Variants in FSD1L observed in about 807,000 individuals in gnomAD.
The protein encoded by FSD1L is fibronectin type III and SPRY domain containing 1 like, also known as FSD1-like protein.
In FSD1L, 45 loss-of-function variants were observed where a neutral mutation model predicts 71.6. The observed-to-expected ratio is 0.63, with a 90% confidence interval of 0.49 to 0.81. FSD1L has a LOEUF of 0.81. FSD1L is among the 30% of genes least tolerant of loss of function. The pLI is 0.00. For missense variants in FSD1L, 561 were observed against 618.1 expected (o/e 0.91, Z 0.98); for synonymous variants, 197 against 207.2 (o/e 0.95, Z 0.42).
chr9:105,520,399 C>T lies in FSD1L; in HGVS notation c.1025+7463C>T, dbSNP rs943768985. On this transcript the variant is annotated intron_variant, in intron 10 of 13. Transcript: ENST00000481272. ...CTATTGATCTTAAACAGTTTTTCGA[C>T]AACATTTTTTACATATATACTATGT... The T allele has an allele frequency of 5.3e-6, 6 of 1,142,152 alleles. No homozygotes were observed. The East Asian group carries it at 9.3e-5, about 18-fold the overall frequency. 70.8% of individuals were successfully genotyped at this position (1,142,152 alleles called of 1,614,324 possible).
intron 1 of FSD1L, among the ~76,000 whole-genome samples, chr9:105,456,480 T>C (rs1830363649): frequency 6.6e-6 from 1 of 152,252 alleles, no homozygotes; most frequent in South Asian, 2.1e-4. Flanking sequence ...TTTTACTTGA[T>C]TGATAATGAT....
At chr9:105,523,455 A>T (rs1835312433) in intron 10 of FSD1L, 1 of 1,611,570 alleles carries the variant, frequency 6.2e-7, no homozygotes, top group Non-Finnish European at 8.5e-7. Context: ...GTGGCGAAGA[A>T]TGCTAGGCAT....
At chr9:105,461,681 A>T (rs1588927682) in intron 2 of FSD1L, 66 bp downstream of exon 2, 1 of 974,098 alleles carries the variant, frequency 1.0e-6, no homozygotes, top group Non-Finnish European at 1.6e-6. Flanking sequence ...GAGCATTTAG[A>T]TGTCTTTGAC....
At chr9:105,499,528 G>C (rs1009616214) in intron 7 of FSD1L, among the ~76,000 whole-genome samples, 1 of 151,746 alleles carries the variant, frequency 6.6e-6, no homozygotes, top group African/African-American at 2.4e-5. Context: ...ATAATTTCAA[G>C]GTATACAGAA....
At chr9:105,493,155 C>G (rs1331489067) in intron 7 of FSD1L, among the ~76,000 whole-genome samples, 1 of 152,030 alleles carries the variant, frequency 6.6e-6, no homozygotes, top group South Asian at 2.1e-4. Context: ...GTAGGTCACT[C>G]AGGACTTGCT....
At chr9:105,501,683 C>T (rs569402156) in intron 7 of FSD1L, among the ~76,000 whole-genome samples, 1 of 151,768 alleles carries the variant, frequency 6.6e-6, no homozygotes, top group Non-Finnish European at 1.5e-5. Flanking sequence ...ATCCTCTAGC[C>T]ATAGTCTCCC....
intron 13 of FSD1L, among the ~76,000 whole-genome samples, chr9:105,541,094 G>A (rs1297714805): frequency 1.3e-5 from 2 of 152,114 alleles, no homozygotes; most frequent in Non-Finnish European, 2.9e-5. Flanking sequence ...CAGAGTAAGA[G>A]TGGGTTGAAA....
At chr9:105,454,403 G>A (rs1830236315) in intron 1 of FSD1L, among the ~76,000 whole-genome samples, 1 of 152,056 alleles carries the variant, frequency 6.6e-6, no homozygotes, top group South Asian at 2.1e-4. Context: ...TCACAGATAA[G>A]CATCCTTGTA....
intron 2 of FSD1L, among the ~76,000 whole-genome samples, chr9:105,462,557 T>G (rs1007616916): frequency 2.8e-5 from 4 of 143,190 alleles, no homozygotes; most frequent in African/African-American, 1.0e-4. Context: ...AGAATCTTGC[T>G]CTGTTGCCCA....
At chr9:105,516,439 A>G (rs549042880) in intron 10 of FSD1L, among the ~76,000 whole-genome samples, 1 of 152,272 alleles carries the variant, frequency 6.6e-6, no homozygotes, top group South Asian at 2.1e-4. Flanking sequence ...CATACAGGAA[A>G]GCTCTGGCTA....
intron 1 of FSD1L, among the ~76,000 whole-genome samples, chr9:105,450,534 C>CTTTTTTTTTTTTTTTTTTTTT (rs35115121): frequency 6.5e-5 from 9 of 137,926 alleles, no homozygotes; most frequent in African/African-American, 2.1e-4. Flanking sequence ...GGATTGTGTT[C>CTTTTTTTTTTTTTTTTTTTTT]TTTTTTTTTT....
chr9:105,550,997 T>C lies in FSD1L; in HGVS notation c.*4514T>C, dbSNP rs1837239556. Reference sequence around the variant, plus strand: ...AATGTGTTTGCTTTGGCTTGGAGCTTATTAAGTTTTGACTACGGTTAAAAT... The same window carrying C: ...AATGTGTTTGCTTTGGCTTGGAGCTCATTAAGTTTTGACTACGGTTAAAAT... On this transcript the variant is annotated 3_prime_UTR_variant, in exon 14 of 14. Transcript: ENST00000481272. 6.6e-6 allele frequency: 1 copy of C among 152,112 alleles called. No homozygotes were observed. Among genetic ancestry groups the C allele is most frequent in the Non-Finnish European group, 1.5e-5 (1 of 67,974 alleles). 9.4% of individuals were successfully genotyped at this position (152,112 alleles called of 1,614,324 possible). A position where few individuals can be genotyped will look rare whatever the true frequency, so the allele number is the denominator to read the frequency against.
rs1831202255 is a variant in FSD1L at position 105,468,241 on chromosome 9, TTATACTC to T, written c.263_269del (p.Ser88TrpfsTer4). The T allele has an allele frequency of 5.5e-6, 8 of 1,463,696 alleles. No individual in the cohort carries two copies. Among genetic ancestry groups the T allele is most frequent in the South Asian group, 1.5e-5 (1 of 68,320 alleles). 90.7% of individuals were successfully genotyped at this position (1,463,696 alleles called of 1,614,324 possible). Reference sequence around the variant, plus strand: ...AGAGTTAGATGAAGAATTTGATAGTTTATACTCTATACTGGATGAAGTAAAAGAAAGT... The same window carrying T: ...AGAGTTAGATGAAGAATTTGATAGTTTATACTGGATGAAGTAAAAGAAAGT... On this transcript the variant is annotated frameshift_variant, in exon 4 of 14. Coordinates refer to ENST00000481272, the MANE Select transcript of FSD1L (RefSeq NM_001145313.3). LOFTEE classifies it high-confidence loss of function.
intron 7 of FSD1L, among the ~76,000 whole-genome samples, chr9:105,498,269 A>T (rs1357283980): frequency 6.7e-6 from 1 of 149,088 alleles, no homozygotes; most frequent in African/African-American, 2.5e-5. Flanking sequence ...CTTGTTTTAG[A>T]TCTTCTTTTC....
chr9:105,537,736 A>G (rs1836357477), intron 12 of FSD1L, among the ~76,000 whole-genome samples: 1 of 152,176 alleles, frequency 6.6e-6, no homozygotes, highest in Non-Finnish European at 1.5e-5. Flanking sequence ...TCGAAAGCAT[A>G]GCAAGCATAA....
rs994012981 is a variant in FSD1L at position 105,546,761 on chromosome 9, C to G, written c.*278C>G. The G allele has an allele frequency of 5.8e-5, 12 of 208,182 alleles. No homozygotes were observed. Among genetic ancestry groups the G allele is most frequent in the Non-Finnish European group, 5.7e-5 (6 of 105,220 alleles). 12.9% of individuals were successfully genotyped at this position (208,182 alleles called of 1,614,324 possible). A position where few individuals can be genotyped will look rare whatever the true frequency, so the allele number is the denominator to read the frequency against. On this transcript the variant is annotated 3_prime_UTR_variant, in exon 14 of 14. Coordinates refer to ENST00000481272, the MANE Select transcript of FSD1L (RefSeq NM_001145313.3). Reference sequence around the variant, plus strand: ...AACATAAAAACTCATTTTTGTATTTCTTGGATTACTTTGACTATTCTAATG... The same window carrying G: ...AACATAAAAACTCATTTTTGTATTTGTTGGATTACTTTGACTATTCTAATG...
chr9:105,515,074 G>A (rs1834623491), intron 10 of FSD1L, among the ~76,000 whole-genome samples: 1 of 152,100 alleles, frequency 6.6e-6, no homozygotes, highest in Non-Finnish European at 1.5e-5. Context: ...TGATCATGAT[G>A]GGGAGAAGAG....
chr9:105,519,998 G>T (rs1835023540), intron 10 of FSD1L: 4 of 1,409,972 alleles, frequency 2.8e-6, no homozygotes, highest in Non-Finnish European at 9.3e-7. Context: ...AGTCGGCTCT[G>T]CCCTGGCCCG....
At chr9:105,473,757 T>C (rs1430631204) in intron 5 of FSD1L, among the ~76,000 whole-genome samples, 1 of 152,228 alleles carries the variant, frequency 6.6e-6, no homozygotes, top group Non-Finnish European at 1.5e-5. Context: ...AAAGTTTATT[T>C]CTCCCACGTT....
Sources: gnomAD v4.1 joint callset for allele counts (sites outside exome capture counted in the v4.1 genomes callset) on GRCh38, gnomAD v4.1.1 for gene constraint, MANE v1.5 for transcripts, NCBI Gene and HGNC (gene_info 2026-07-23, HGNC 2026-07-21) for gene names.